Variants in FAM184B observed in about 807,000 individuals in gnomAD.
The protein encoded by FAM184B is protein FAM184B.
Under a neutral mutation model 135.9 loss-of-function variants are expected in FAM184B, and 111 were observed. The ratio of observed to expected loss-of-function variants is 0.82; its 90% CI spans 0.70 to 0.96. The LOEUF is 0.96. FAM184B is among the 40% of genes least tolerant of loss of function. The probability of loss-of-function intolerance (pLI) is 0.00; values close to 1 mark genes in which losing one functional copy is unlikely to be tolerated. For missense variants in FAM184B, 1,375 were observed against 1,323.9 expected (o/e 1.04, Z -0.60); for synonymous variants, 552 against 524.8 (o/e 1.05, Z -0.71).
intron 3 of FAM184B, among the ~76,000 whole-genome samples, chr4:17,706,718 C>A (rs1054081089): frequency 5.3e-5 from 8 of 152,274 alleles, no homozygotes; most frequent in Middle Eastern, 3.4e-3. Context: ...CCTATAATCC[C>A]AGCACTTTGG....
chr4:17,739,131 T>C (rs1717968993), intron 1 of FAM184B, among the ~76,000 whole-genome samples: 3 of 152,248 alleles, frequency 2.0e-5, no homozygotes, highest in Admixed American at 6.5e-5. Context: ...GCAGCTTGAC[T>C]TTCCTGCATA....
At position 17,664,679 on chromosome 4, in the gene FAM184B, A is replaced by AG. The variant is rs1716003807; in HGVS notation, c.1597-21dup. 5 of 1,477,262 alleles carry AG rather than the reference A, an allele frequency of 3.4e-6. No individual in the cohort carries two copies. Among genetic ancestry groups the AG allele is most frequent in the Non-Finnish European group, 4.5e-6 (5 of 1,102,228 alleles). The allele number at this position is 1,477,262 out of a possible 1,614,324, so 91.5% of individuals were successfully genotyped here. On this transcript the variant is annotated intron_variant, in intron 7 of 17. Coordinates refer to ENST00000265018, the MANE Select transcript of FAM184B (RefSeq NM_015688.2). Reference sequence around the variant, plus strand: ...TGGATCCTAAGGCCAAAAAAGAAAAAGAAAAAAAAAAAAAAGGCAAGATGA... The same window carrying AG: ...TGGATCCTAAGGCCAAAAAAGAAAAAGGAAAAAAAAAAAAAAGGCAAGATGA...
At chr4:17,761,017 C>T (rs1386552634) in intron 1 of FAM184B, among the ~76,000 whole-genome samples, 5 of 152,160 alleles carry the variant, frequency 3.3e-5, no homozygotes, top group South Asian at 2.1e-4. Context: ...TTGGCAATGT[C>T]GGAGACATTT....
chr4:17,720,434 A>G lies in FAM184B; in HGVS notation c.142-10790T>C, dbSNP rs537207601. 2.0e-5 allele frequency among the ~76,000 whole-genome samples: 3 copies of G among 152,328 alleles called. No individual in the cohort carries two copies. In the East Asian group the frequency reaches 5.8e-4, roughly 29 times the overall value. ...TTAATCATTAGGGAAATGCAACTCAAAACCACAATGAGATAGCACTTCATG... is the reference window on the plus strand; with the variant it reads ...TTAATCATTAGGGAAATGCAACTCAGAACCACAATGAGATAGCACTTCATG... On this transcript the variant is annotated intron_variant, in intron 1 of 17. Transcript: ENST00000265018.
At position 17,642,291 on chromosome 4, in the gene FAM184B, C is replaced by G. The variant is rs1715346693; in HGVS notation, c.2347-63G>C. 1.1e-5 allele frequency: 15 copies of G among 1,405,708 alleles called. No homozygotes were observed. In the South Asian group the frequency reaches 2.3e-4, roughly 22 times the overall value. 87.1% of individuals were successfully genotyped at this position (1,405,708 alleles called of 1,614,324 possible). On this transcript the variant is annotated intron_variant, in intron 12 of 17. Coordinates refer to ENST00000265018, the MANE Select transcript of FAM184B (RefSeq NM_015688.2). ...GCAGGGGCAGACAAGGCAGAAAGGG[C>G]CAGAGATGTGCTGCGGCGAGATGGA... is the stretch of plus-strand genomic sequence containing the variant.
chr4:17,739,524 C>G (rs1280432262), intron 1 of FAM184B, among the ~76,000 whole-genome samples: 1 of 148,130 alleles, frequency 6.8e-6, no homozygotes, highest in Non-Finnish European at 1.5e-5. Flanking sequence ...AAGAGCCTGG[C>G]TGGCTCCCTA....
intron 1 of FAM184B, among the ~76,000 whole-genome samples, chr4:17,719,998 C>CCACT (rs1717481793): frequency 6.6e-6 from 1 of 152,196 alleles, no homozygotes; most frequent in African/African-American, 2.4e-5. Context: ...TGACCGCTGA[C>CCACT]CACTCCTTCT....
intron 5 of FAM184B, among the ~76,000 whole-genome samples, chr4:17,703,888 G>A (rs1194107001): frequency 6.7e-6 from 1 of 148,912 alleles, no homozygotes; most frequent in African/African-American, 2.5e-5. Context: ...CCGAGATTGC[G>A]TCACTGCACT....
rs180978530 is a variant in FAM184B, at chr4:17,644,501, T to C, written c.2347-2273A>G. Among the ~76,000 whole-genome samples the C allele has an allele frequency of 9.0e-3, 1,368 of 152,266 alleles. 23 individuals are homozygous for C. Among genetic ancestry groups the C allele is most frequent in the African/African-American group, 0.032 (1,321 of 41,542 alleles). Reference sequence around the variant, plus strand: ...GACAAAAACCACATGATTATCTCAATAGATGCAGAAAAGGCCTTTGACAAA... The same window carrying C: ...GACAAAAACCACATGATTATCTCAACAGATGCAGAAAAGGCCTTTGACAAA... On this transcript the variant is annotated intron_variant, in intron 12 of 17. Transcript: ENST00000265018.
At chr4:17,737,950 C>G (rs1717948105) in intron 1 of FAM184B, among the ~76,000 whole-genome samples, 1 of 152,170 alleles carries the variant, frequency 6.6e-6, no homozygotes, top group Non-Finnish European at 1.5e-5. Context: ...CAAAAACAAC[C>G]ATGAAATGAT....
At chr4:17,717,342 C>T (rs567212425) in intron 1 of FAM184B, among the ~76,000 whole-genome samples, 1 of 152,296 alleles carries the variant, frequency 6.6e-6, no homozygotes, top group African/African-American at 2.4e-5. Context: ...CAATCTCCTC[C>T]AACTTGTTCT....
chr4:17,764,203 G>T (rs1247536310), intron 1 of FAM184B, among the ~76,000 whole-genome samples: 2 of 152,194 alleles, frequency 1.3e-5, no homozygotes, highest in Non-Finnish European at 2.9e-5. Context: ...CGGAAGAGGG[G>T]AGAGATTAAT....
intron 1 of FAM184B, among the ~76,000 whole-genome samples, chr4:17,716,429 ACCT>A (rs1717402733): frequency 6.6e-6 from 1 of 150,898 alleles, no homozygotes; most frequent in African/African-American, 2.4e-5. Context: ...TGCAACCTTG[ACCT>A]CCTGGGCTCA....
chr4:17,632,457 A>C lies in FAM184B; in HGVS notation c.*75T>G, dbSNP rs1714981103. On this transcript the variant is annotated 3_prime_UTR_variant, in exon 18 of 18. Transcript: ENST00000265018. ...GCATATTATTTGGTTGGTTGGTGTT[A>C]GTTCATTCCTTCAATCGGATGATTT... The C allele has an allele frequency of 2.4e-6, 3 of 1,243,186 alleles. No homozygotes were observed. In the African/African-American group the frequency reaches 4.5e-5, roughly 19 times the overall value. The allele number at this position is 1,243,186 out of a possible 1,614,324, so 77.0% of individuals were successfully genotyped here.
chr4:17,765,960 G>A (rs1384699599), intron 1 of FAM184B, among the ~76,000 whole-genome samples: 1 of 152,084 alleles, frequency 6.6e-6, no homozygotes, highest in Non-Finnish European at 1.5e-5. Context: ...CCTTCCTTCT[G>A]TCCGGGGTTA....
intron 10 of FAM184B, among the ~76,000 whole-genome samples, chr4:17,657,393 C>G (rs1255370662): frequency 6.6e-6 from 1 of 152,172 alleles, no homozygotes; most frequent in Admixed American, 6.6e-5. Flanking sequence ...CCTTCTTGCT[C>G]CTGAATTGAA....
intron 1 of FAM184B, among the ~76,000 whole-genome samples, chr4:17,712,317 G>A (rs1312213826): frequency 6.6e-6 from 1 of 152,214 alleles, no homozygotes; most frequent in East Asian, 1.9e-4. Flanking sequence ...CAAAGACTGA[G>A]AAATCCAGGG....
intron 1 of FAM184B, among the ~76,000 whole-genome samples, chr4:17,749,528 C>A (rs1718247672): frequency 6.6e-6 from 1 of 151,868 alleles, no homozygotes; most frequent in South Asian, 2.1e-4. Context: ...GGAAACAGAT[C>A]TAAAAATTGG....
intron 1 of FAM184B, among the ~76,000 whole-genome samples, chr4:17,727,714 A>T (rs1034103431): frequency 3.3e-5 from 5 of 152,218 alleles, no homozygotes; most frequent in Non-Finnish European, 7.3e-5. Context: ...AGCATGGGAA[A>T]GACCACCCCC....
Sources: allele counts gnomAD v4.1 joint callset (sites outside exome capture counted in the v4.1 genomes callset), GRCh38; gene constraint gnomAD v4.1.1; transcripts MANE v1.5; gene names NCBI Gene and HGNC (gene_info 2026-07-23, HGNC 2026-07-21).